The following CHCHD6 variants were observed in gnomAD, a reference collection of about 807,000 sequenced individuals.
CHCHD6 encodes coiled-coil-helix-coiled-coil-helix domain containing 6, also known as MICOS complex subunit MIC25.
CHCHD6 carries 28 observed loss-of-function variants against 32.3 expected under a neutral mutation model. That is an observed-to-expected ratio of 0.87 (90% CI 0.64 to 1.19). CHCHD6 has a LOEUF of 1.19. Among genes scored for constraint, CHCHD6 ranks in the 50% most tolerant of loss-of-function variants. CHCHD6 has a pLI of 0.00. For synonymous variants in CHCHD6, 122 were observed against 117.5 expected (o/e 1.04, Z -0.25); for missense variants, 333 against 307.0 (o/e 1.08, Z -0.63).
At chr3:126,951,347 C>CA (rs2078713064) in intron 6 of CHCHD6, among the ~76,000 whole-genome samples, 2 of 152,104 alleles carry the variant, frequency 1.3e-5, no homozygotes, top group Admixed American at 6.5e-5. Context: ...CAGACTAATA[C>CA]AAAAAAATGA....
At chr3:126,815,315 T>C (rs1232317174) in intron 4 of CHCHD6, among the ~76,000 whole-genome samples, 2 of 152,184 alleles carry the variant, frequency 1.3e-5, no homozygotes, top group African/African-American at 2.4e-5. Flanking sequence ...CAGCTTCCTG[T>C]CTTCCCATGG....
intron 5 of CHCHD6, among the ~76,000 whole-genome samples, chr3:126,862,191 C>T (rs1326615254): frequency 6.6e-5 from 7 of 106,282 alleles, no homozygotes; most frequent in South Asian, 4.2e-4. Context: ...CCTCCACCAT[C>T]ACAACCGCCT....
At chr3:126,864,255 A>G (rs1231673988) in intron 5 of CHCHD6, among the ~76,000 whole-genome samples, 1 of 100,344 alleles carries the variant, frequency 1.0e-5, no homozygotes, top group Non-Finnish European at 2.0e-5. Context: ...CACCATCACC[A>G]TCTCCCCCTC....
chr3:126,865,963 C>G (rs1942275888), intron 5 of CHCHD6, among the ~76,000 whole-genome samples: 1 of 152,136 alleles, frequency 6.6e-6, no homozygotes, highest in Admixed American at 6.5e-5. Flanking sequence ...CTGCGCTTTG[C>G]TAAGTACAGT....
chr3:126,802,141 C>G (rs924748697), intron 4 of CHCHD6, among the ~76,000 whole-genome samples: 1 of 152,190 alleles, frequency 6.6e-6, no homozygotes, highest in Admixed American at 6.5e-5. Context: ...ACTGGAAACT[C>G]TAAAAAGCAG....
At chr3:126,927,243 G>T (rs1337125329) in intron 6 of CHCHD6, among the ~76,000 whole-genome samples, 1 of 152,170 alleles carries the variant, frequency 6.6e-6, no homozygotes, top group African/African-American at 2.4e-5. Flanking sequence ...CCTGACCAAG[G>T]CATGGGGCAT....
intron 4 of CHCHD6, among the ~76,000 whole-genome samples, chr3:126,837,653 G>A (rs1940913026): frequency 6.6e-6 from 1 of 152,178 alleles, no homozygotes. Context: ...ATTATTTACT[G>A]ACTGGTAATA....
chr3:126,784,744 C>T (rs1938118447), intron 4 of CHCHD6, among the ~76,000 whole-genome samples: 1 of 152,238 alleles, frequency 6.6e-6, no homozygotes, highest in Admixed American at 6.5e-5. Flanking sequence ...CCCTCCTCCC[C>T]CAGTTTCACG....
At chr3:126,807,248 AAC>A (rs1939439544) in intron 4 of CHCHD6, among the ~76,000 whole-genome samples, 2 of 152,140 alleles carry the variant, frequency 1.3e-5, no homozygotes, top group South Asian at 4.2e-4. Context: ...GTCCCAAACA[AAC>A]ACACAGAGAA....
chr3:126,959,991 G>T lies in CHCHD6; in HGVS notation c.703-205G>T, dbSNP rs534608082. Reference sequence around the variant, plus strand: ...TTCTGGTGTCACTGTCGTGTGGAGTGAGGGCCCGTCCCCTGTTGCTGGGGA... The same window carrying T: ...TTCTGGTGTCACTGTCGTGTGGAGTTAGGGCCCGTCCCCTGTTGCTGGGGA... On this transcript the variant is annotated intron_variant, in intron 7 of 7. Coordinates refer to ENST00000290913, the MANE Select transcript of CHCHD6 (RefSeq NM_032343.3). 1.7e-3 allele frequency among the ~76,000 whole-genome samples: 266 copies of T among 152,284 alleles called. 1 individual carries two copies. Among genetic ancestry groups the T allele is most frequent in the African/African-American group, 6.1e-3 (254 of 41,560 alleles).
At chr3:126,864,848 TCTCCTCTTCCTCCTCCACCATCATCTC>T (rs1942196481) in intron 5 of CHCHD6, among the ~76,000 whole-genome samples, 1 of 60,902 alleles carries the variant, frequency 1.6e-5, no homozygotes, top group Non-Finnish European at 2.9e-5. Context: ...TCCACCATCA[TCTCCTCTTCCTCCTCCACCATCATCTC>T]CTCCTCCTCC....
chr3:126,920,642 C>CT (rs913423937), intron 6 of CHCHD6, among the ~76,000 whole-genome samples: 2 of 152,234 alleles, frequency 1.3e-5, no homozygotes, highest in Non-Finnish European at 2.9e-5. Flanking sequence ...TGTCTCACTG[C>CT]TTTGTAGCTC....
At chr3:126,832,790 G>T (rs1275786468) in intron 4 of CHCHD6, among the ~76,000 whole-genome samples, 3 of 152,136 alleles carry the variant, frequency 2.0e-5, no homozygotes, top group Non-Finnish European at 4.4e-5. Context: ...GAGGGCTGGT[G>T]TGGGACCAGA....
chr3:126,744,116 A>G (rs1936397610), intron 4 of CHCHD6, among the ~76,000 whole-genome samples: 1 of 152,146 alleles, frequency 6.6e-6, no homozygotes, highest in African/African-American at 2.4e-5. Context: ...TGACAGCAGT[A>G]TATTTTCCTT....
intron 6 of CHCHD6, among the ~76,000 whole-genome samples, chr3:126,921,695 G>C (rs926534708): frequency 2.0e-5 from 3 of 152,210 alleles, no homozygotes; most frequent in African/African-American, 7.2e-5. Flanking sequence ...TTGATCCAGA[G>C]AGGCCTGATT....
chr3:126,726,939 T>G, intron 1 of CHCHD6, 139 bp from the exon 2 acceptor site: 1 of 641,504 alleles, frequency 1.6e-6, no homozygotes, highest in East Asian at 2.7e-5. Context: ...GAGAGGAGTT[T>G]TAGTAGAATT....
At chr3:126,820,547 G>C (rs1940105519) in intron 4 of CHCHD6, among the ~76,000 whole-genome samples, 1 of 152,196 alleles carries the variant, frequency 6.6e-6, no homozygotes, top group African/African-American at 2.4e-5. Context: ...GTATTTAGCA[G>C]TAGTTTGTTC....
At chr3:126,815,534 T>C (rs535935582) in intron 4 of CHCHD6, among the ~76,000 whole-genome samples, 3 of 152,134 alleles carry the variant, frequency 2.0e-5, no homozygotes, top group Non-Finnish European at 4.4e-5. Flanking sequence ...CTCTGTGCCA[T>C]TGCAAGGCCT....
Position 126,734,991 on chromosome 3 carries a change from C to T in CHCHD6, c.411+1769C>T, listed in dbSNP as rs554107268. Among the ~76,000 whole-genome samples the T allele has an allele frequency of 5.3e-5, 8 of 152,226 alleles. No homozygotes were observed. The South Asian group carries it at 1.2e-3, about 24-fold the overall frequency. ...ACCCCATGGCATCCTGGTGAGGAAT[C>T]GGTTGATGCAGTGAGAAACCGGGGC... On this transcript the variant is annotated intron_variant, in intron 4 of 7. Transcript: ENST00000290913.
Sources: gnomAD v4.1 joint callset for allele counts (sites outside exome capture counted in the v4.1 genomes callset) on GRCh38, gnomAD v4.1.1 for gene constraint, MANE v1.5 for transcripts, NCBI Gene and HGNC (gene_info 2026-07-23, HGNC 2026-07-21) for gene names.